Variants in RBM6 observed in about 807,000 individuals in gnomAD.
RBM6 encodes the protein RNA binding motif protein 6.
A neutral mutation model predicts 140.4 loss-of-function variants in RBM6; 23 were observed. The observed-to-expected ratio is 0.16, with a 90% CI of 0.12 to 0.23. RBM6 has a LOEUF of 0.23. Ranked by LOEUF, RBM6 falls within the 10% of genes least tolerant of loss-of-function variation. The pLI is 1.00. For missense variants in RBM6, 1,139 were observed against 1,386.7 expected, an observed-to-expected ratio of 0.82 and a Z score of 2.84; for synonymous variants, 439 against 475.6, an observed-to-expected ratio of 0.92 and a Z score of 1.00.
intron 9 of RBM6, 117 bp downstream of exon 9, chr3:50,058,120 C>G (rs2089788583): frequency 7.8e-7 from 1 of 1,283,428 alleles, no homozygotes; most frequent in Non-Finnish European, 1.1e-6. Flanking sequence ...TGTGCATGAC[C>G]TGATGACAGA....
At chr3:50,035,844 T>C (rs2108838702) in intron 6 of RBM6, among the ~76,000 whole-genome samples, 1 of 151,606 alleles carries the variant, frequency 6.6e-6, no homozygotes, top group East Asian at 2.0e-4. Context: ...CACTGCAACC[T>C]CCCCTCCCAG....
intron 6 of RBM6, among the ~76,000 whole-genome samples, chr3:50,005,387 A>G (rs560815334): frequency 6.6e-6 from 1 of 151,480 alleles, no homozygotes; most frequent in East Asian, 2.0e-4. Context: ...TGTCCCAGCT[A>G]TTTGGAAGGC....
intron 6 of RBM6, among the ~76,000 whole-genome samples, chr3:50,033,706 G>A (rs947829434): frequency 1.3e-5 from 2 of 151,960 alleles, no homozygotes; most frequent in African/African-American, 4.8e-5. Flanking sequence ...GTGCAGTGGC[G>A]TAATCTCAGC....
At chr3:50,015,575 C>T (rs1014146192) in intron 6 of RBM6, among the ~76,000 whole-genome samples, 4 of 149,400 alleles carry the variant, frequency 2.7e-5, no homozygotes, top group Middle Eastern at 3.6e-3. Context: ...GGACTACAGG[C>T]GCGTGCCACC....
At chr3:49,986,449 G>A (rs960586273) in intron 5 of RBM6, among the ~76,000 whole-genome samples, 5 of 151,528 alleles carry the variant, frequency 3.3e-5, no homozygotes, top group African/African-American at 1.2e-4. Flanking sequence ...CAAAAAATTA[G>A]CCGGGCATGG....
At chr3:50,014,605 CT>C (rs2087021034) in intron 6 of RBM6, among the ~76,000 whole-genome samples, 1 of 152,172 alleles carries the variant, frequency 6.6e-6, no homozygotes, top group Non-Finnish European at 1.5e-5. Flanking sequence ...TTAGGCTTTA[CT>C]TCACAGGGCC....
chr3:50,068,769 A>T lies in RBM6; in HGVS notation c.3018+5A>T. ...CTGGAAAGGAGAGAACGAGAGGTAA[A>T]CTTTGGTGACCTATTACTCCCTTGA... is the stretch of plus-strand genomic sequence containing the variant. On this transcript the variant is annotated splice_donor_5th_base_variant and intron_variant, in intron 18 of 20. Transcript: ENST00000266022. 6.2e-7 allele frequency: 1 copy of T among 1,613,116 alleles called. No homozygotes were observed.
intron 13 of RBM6, 67 bp downstream of exon 13, chr3:50,061,288 T>C: frequency 6.2e-7 from 1 of 1,609,264 alleles, no homozygotes; most frequent in Non-Finnish European, 8.5e-7. Context: ...ACTTGACATC[T>C]GTGTGATCAC....
At chr3:49,986,658 G>T (rs1047886244) in intron 5 of RBM6, among the ~76,000 whole-genome samples, 3 of 151,120 alleles carry the variant, frequency 2.0e-5, no homozygotes, top group Non-Finnish European at 4.4e-5. Context: ...TAACTGTGAA[G>T]AAGTTGTGAT....
chr3:49,950,871 CAG>C (rs2108583587), intron 1 of RBM6, among the ~76,000 whole-genome samples: 1 of 151,988 alleles, frequency 6.6e-6, no homozygotes, highest in Non-Finnish European at 1.5e-5. Flanking sequence ...AAAAGAAAAA[CAG>C]AGTCTCGATG....
chr3:50,015,760 T>G (rs2087109549), intron 6 of RBM6, among the ~76,000 whole-genome samples: 1 of 152,190 alleles, frequency 6.6e-6, no homozygotes, highest in African/African-American at 2.4e-5. Context: ...AATTGATAAT[T>G]GTACATGTTT....
rs1236722135 is a variant in RBM6, at chr3:49,968,310, C to T, written c.885C>T (p.Tyr295=). The change falls in exon 3 of 21, where the codon TAC becomes TAT. Residue 295 remains tyrosine (Y), a synonymous_variant. Coordinates refer to ENST00000266022, the MANE Select transcript of RBM6 (RefSeq NM_005777.3). ...MPPVDPNILD[Y]IQPSTQDREH... ...CTGTGGATCCAAATATTTTGGATTA[C>T]ATTCAGCCCTCTACACAAGATAGAG... 1 of 1,614,060 alleles carries T rather than the reference C, an allele frequency of 6.2e-7. No homozygotes were observed. Among genetic ancestry groups the T allele is most frequent in the Admixed American group, 1.7e-5 (1 of 59,990 alleles).
chr3:50,018,581 GTTTTTTTTTTTTT>G (rs58115280), intron 6 of RBM6, among the ~76,000 whole-genome samples: 41 of 63,510 alleles, frequency 6.5e-4, no homozygotes, highest in East Asian at 1.6e-3. Flanking sequence ...GTAGGAGTGT[GTTTTTTTTTTTTT>G]TTTTTTTTTT....
intron 6 of RBM6, among the ~76,000 whole-genome samples, chr3:50,043,505 A>C (rs2089043791): frequency 1.4e-5 from 2 of 147,946 alleles, no homozygotes; most frequent in African/African-American, 5.0e-5. Context: ...AAAAAGAGAG[A>C]TCTATCTCTC....
At chr3:50,034,226 C>G (rs2088368691) in intron 6 of RBM6, among the ~76,000 whole-genome samples, 1 of 151,728 alleles carries the variant, frequency 6.6e-6, no homozygotes, top group African/African-American at 2.4e-5. Flanking sequence ...TGAAGTGATC[C>G]CCCCACCTCG....
At chr3:49,948,325 C>T (rs1013751589) in intron 1 of RBM6, among the ~76,000 whole-genome samples, 3 of 151,936 alleles carry the variant, frequency 2.0e-5, no homozygotes, top group African/African-American at 4.8e-5. Context: ...CTCAGGGGTT[C>T]GAGACCAGCC....
At chr3:49,981,840 G>A (rs1009206470) in intron 5 of RBM6, among the ~76,000 whole-genome samples, 1 of 152,022 alleles carries the variant, frequency 6.6e-6, no homozygotes, top group African/African-American at 2.4e-5. Context: ...TGATTTTTAG[G>A]TTTGTTTGCA....
At chr3:49,968,830 G>T (rs1281952993) in intron 3 of RBM6, 82 bp downstream of exon 3, 38 of 1,420,996 alleles carry the variant, frequency 2.7e-5, no homozygotes, top group Non-Finnish European at 3.4e-5. Context: ...GCCCAGCCTG[G>T]AGTGCAGTGG....
At chr3:49,949,748 C>G (rs1224493959) in intron 1 of RBM6, among the ~76,000 whole-genome samples, 1 of 152,092 alleles carries the variant, frequency 6.6e-6, no homozygotes. Flanking sequence ...CTCCTGACCT[C>G]GTGATCCGCC....
Sources: allele counts gnomAD v4.1 joint callset (sites outside exome capture counted in the v4.1 genomes callset), GRCh38; gene constraint gnomAD v4.1.1; transcripts MANE v1.5; gene names NCBI Gene and HGNC (gene_info 2026-07-23, HGNC 2026-07-21).